Variants in HLTF observed in about 807,000 individuals in gnomAD.
HLTF encodes the protein DNA-dependent ATPase/E3 ubiquitin-protein ligase HLTF.
Under a neutral mutation model 129.4 loss-of-function variants are expected in HLTF, and 127 were observed. The observed-to-expected ratio is 0.98, with a 90% CI of 0.85 to 1.14. The LOEUF (loss-of-function observed/expected upper bound fraction) is 1.14, where lower values mean the gene tolerates loss of function less well. Ranked by LOEUF, HLTF falls within the 50% of genes most tolerant of loss-of-function variation. HLTF has a pLI of 0.00. For missense variants in HLTF, 1,139 were observed against 1,187.1 expected, an observed-to-expected ratio of 0.96 and a Z score of 0.60; for synonymous variants, 332 against 388.8, an observed-to-expected ratio of 0.85 and a Z score of 1.72.
In HLTF at chr3:149,055,376, T is replaced by C. The variant is rs764564890; in HGVS notation, c.1400A>G (p.Lys467Arg). The change falls in exon 14 of 25, where the codon AAG becomes AGG. Residue 467 changes from lysine (K) to arginine (R), a missense_variant. Physicochemically the swap from Lys to Arg is conservative, Grantham distance 26. Coordinates refer to ENST00000310053, the MANE Select transcript of HLTF (RefSeq NM_003071.4). ...TGGTCTCTCCTCAACATCAGTTTTC[T>C]TTGACCCCTCCACTGCACAAGCTCC... is the stretch of plus-strand genomic sequence containing the variant. The part of the protein sequence containing the change: ...KKGACAVEGS[K>R]KTDVEERPRT... 1 of 1,613,724 alleles carries C rather than the reference T, an allele frequency of 6.2e-7. No homozygotes were observed. Among genetic ancestry groups the C allele is most frequent in the Non-Finnish European group, 8.5e-7 (1 of 1,179,658 alleles).
intron 2 of HLTF, among the ~76,000 whole-genome samples, chr3:149,080,268 T>C (rs924362823): frequency 2.6e-5 from 4 of 152,176 alleles, no homozygotes; most frequent in Admixed American, 6.5e-5. Flanking sequence ...AACTAGATTG[T>C]AGGGATGGTT....
In HLTF at chr3:149,085,790, GACA is replaced by G. The variant is rs1490972639; in HGVS notation, c.20+524_20+526del. On this transcript the variant is annotated intron_variant, in intron 1 of 24. Coordinates refer to ENST00000310053, the MANE Select transcript of HLTF (RefSeq NM_003071.4). ...GGGAATGACCATAAATACCAATTTGGACAATGAAAAGTGAAGGGGAGTCTACTG... is the reference window on the plus strand; with the variant it reads ...GGGAATGACCATAAATACCAATTTGGATGAAAAGTGAAGGGGAGTCTACTG... Among the ~76,000 whole-genome samples the G allele has an allele frequency of 3.3e-5, 5 of 152,250 alleles. No individual in the cohort carries two copies. In the East Asian group the frequency reaches 9.7e-4, roughly 29 times the overall value.
chr3:149,057,329 G>A (rs548386748), intron 13 of HLTF, among the ~76,000 whole-genome samples: 1 of 152,106 alleles, frequency 6.6e-6, no homozygotes, highest in African/African-American at 2.4e-5. Context: ...GGGAGGCTGA[G>A]ACAGGAGAAT....
intron 13 of HLTF, chr3:149,059,507 G>A (rs1717744686): frequency 3.9e-6 from 2 of 513,370 alleles, no homozygotes; most frequent in Admixed American, 6.9e-5. Flanking sequence ...ATCACATTTT[G>A]GCCCTAACTA....
At position 149,063,459 on chromosome 3, in the gene HLTF, A is replaced by T. The variant is rs61755303; in HGVS notation, c.1132T>A (p.Ser378Thr). The stretch of plus-strand genomic sequence containing the variant: ...TTGGGGCGGGAGCTAGACAATTCTG[A>T]CATGCGAAACTTACTCTTCTCCTTG... ...DIKEKSKFRMSELSSSRPKRR... is the reference protein window; with the variant it reads ...DIKEKSKFRMTELSSSRPKRR... The change falls in exon 10 of 25, where the codon TCA (serine) becomes ACA (threonine). Residue 378 changes from serine (S) to threonine (T), a missense_variant. Transcript: ENST00000310053. 9.1e-3 allele frequency: 14,682 copies of T among 1,607,952 alleles called. 96 individuals are homozygous for T. The highest frequency in any genetic ancestry group is 0.021 in the Middle Eastern group (130 of 6,056).
At chr3:149,033,117 A>C (rs1039272104) in intron 24 of HLTF, among the ~76,000 whole-genome samples, 1 of 152,162 alleles carries the variant, frequency 6.6e-6, no homozygotes, top group Non-Finnish European at 1.5e-5. Flanking sequence ...GAATGTCTCA[A>C]CCTTACATAT....
intron 9 of HLTF, 134 bp from the exon 10 acceptor site, chr3:149,063,658 A>C: frequency 1.7e-6 from 1 of 574,238 alleles, no homozygotes; most frequent in Non-Finnish European, 3.1e-6. Context: ...TCATTACTCT[A>C]TTTTCTCTAC....
chr3:149,080,248 A>G (rs949716339), intron 2 of HLTF, among the ~76,000 whole-genome samples: 6 of 152,106 alleles, frequency 3.9e-5, no homozygotes, highest in Non-Finnish European at 7.4e-5. Context: ...GAGTAATGAA[A>G]ATGTTTTGGA....
At chr3:149,038,994 C>T in intron 23 of HLTF, 55 bp downstream of exon 23, 1 of 1,074,204 alleles carries the variant, frequency 9.3e-7, no homozygotes, top group Non-Finnish European at 1.3e-6. Flanking sequence ...AGTTTTTTGT[C>T]TTATTTTTTT....
chr3:149,041,834 G>T (rs1031030887), intron 19 of HLTF, 166 bp from the exon 20 acceptor site: 5 of 610,164 alleles, frequency 8.2e-6, no homozygotes, highest in Non-Finnish European at 1.4e-5. Context: ...ACATTCAGAA[G>T]CCAAAATAGT....
At chr3:149,064,152 CT>C (rs903658648) in intron 9 of HLTF, among the ~76,000 whole-genome samples, 1 of 152,092 alleles carries the variant, frequency 6.6e-6, no homozygotes, top group Non-Finnish European at 1.5e-5. Context: ...ATCTACCTAA[CT>C]CATCTAGGTA....
intron 17 of HLTF, among the ~76,000 whole-genome samples, chr3:149,046,617 G>GT (rs1200551438): frequency 6.6e-6 from 1 of 152,040 alleles, no homozygotes; most frequent in East Asian, 1.9e-4. Context: ...CAAATTCTAA[G>GT]TATCTATTAA....
Position 149,075,924 on chromosome 3 carries a change from C to A in HLTF, c.352G>T (p.Ala118Ser). Residue 118 changes from alanine (A) to serine (S), a missense_variant, in exon 3 of 25, where the codon GCT (alanine) becomes TCT (serine). Physicochemically the swap from Ala to Ser is moderately conservative, Grantham distance 99. Transcript: ENST00000310053. ...TTGTTGTCCATGATATAGGCCAAAG[C>A]ACCTGCAAGCTCTTTCTTTAAATGG... ...VGHLKKELAG[A>S]LAYIMDNKLA... is the part of the protein sequence containing the mutation. The A allele has an allele frequency of 6.2e-7, 1 of 1,608,074 alleles. No individual in the cohort carries two copies. Among genetic ancestry groups the A allele is most frequent in the Non-Finnish European group, 8.5e-7 (1 of 1,175,808 alleles).
chr3:149,056,001 G>A (rs935111437), intron 13 of HLTF, among the ~76,000 whole-genome samples: 7 of 152,220 alleles, frequency 4.6e-5, no homozygotes, highest in African/African-American at 1.7e-4. Context: ...GATGCACATA[G>A]TGAGGATCTG....
chr3:149,043,644 T>C (rs1304972819), intron 18 of HLTF, among the ~76,000 whole-genome samples: 2 of 151,260 alleles, frequency 1.3e-5, no homozygotes, highest in African/African-American at 2.4e-5. Flanking sequence ...AGGAAATGGG[T>C]GATCCAAAAA....
chr3:149,042,242 A>AC lies in HLTF; in HGVS notation c.2120dup (p.Leu708SerfsTer4). On this transcript the variant is annotated frameshift_variant, in exon 19 of 25. Coordinates refer to ENST00000310053, the MANE Select transcript of HLTF (RefSeq NM_003071.4). LOFTEE classifies it high-confidence loss of function. ...AAATTTGCCGCAGTCTAAGCAAAAGACCCAGGACATCTGCATAATGTGCCA... is the reference window on the plus strand; with the variant it reads ...AAATTTGCCGCAGTCTAAGCAAAAGACCCCAGGACATCTGCATAATGTGCCA... 1 of 1,612,942 alleles carries AC rather than the reference A, an allele frequency of 6.2e-7. No individual in the cohort carries two copies. The highest frequency in any genetic ancestry group is 8.5e-7 in the Non-Finnish European group (1 of 1,179,026).
chr3:149,039,231 T>TA lies in HLTF; in HGVS notation c.2616-3dup, dbSNP rs755815666. 9.8e-6 allele frequency: 15 copies of TA among 1,525,914 alleles called. No homozygotes were observed. In the East Asian group the frequency reaches 2.8e-4, roughly 29 times the overall value. The allele number at this position is 1,525,914 out of a possible 1,614,324, so 94.5% of individuals were successfully genotyped here. A position where few individuals can be genotyped will look rare whatever the true frequency, so the allele number is the denominator to read the frequency against. On this transcript the variant is annotated splice_region_variant and splice_polypyrimidine_tract_variant and intron_variant, in intron 22 of 24. Coordinates refer to ENST00000310053, the MANE Select transcript of HLTF (RefSeq NM_003071.4). ...CGAGTAAACACAAATCCAGAGGCTC[T>TA]AAAGGGGGGAAGAAAAGAGACAAGT...
At chr3:149,062,364 A>G (rs1168831436) in intron 10 of HLTF, among the ~76,000 whole-genome samples, 1 of 152,220 alleles carries the variant, frequency 6.6e-6, no homozygotes, top group Non-Finnish European at 1.5e-5. Context: ...ATTTATCTAA[A>G]TCTGAAGCAA....
chr3:149,060,934 T>C, intron 10 of HLTF, 76 bp from the exon 11 acceptor site: 1 of 996,620 alleles, frequency 1.0e-6, no homozygotes, highest in Non-Finnish European at 1.5e-6. Context: ...GTTTAATAAA[T>C]GCAATAAAAA....
Sources: gnomAD v4.1 joint callset for allele counts (sites outside exome capture counted in the v4.1 genomes callset) on GRCh38, gnomAD v4.1.1 for gene constraint, MANE v1.5 for transcripts, NCBI Gene and HGNC (gene_info 2026-07-23, HGNC 2026-07-21) for gene names.